Variants in VWA3B observed in about 807,000 individuals in gnomAD.
VWA3B encodes von Willebrand factor A domain containing 3B.
Under a neutral mutation model 158.3 loss-of-function variants are expected in VWA3B, and 138 were observed. The observed-to-expected ratio is 0.87, with a 90% CI of 0.76 to 1.00. The LOEUF (loss-of-function observed/expected upper bound fraction) is 1.00, where lower values mean the gene tolerates loss of function less well. Among genes scored for constraint, VWA3B ranks in the 50% least tolerant of loss-of-function variants. The pLI, the probability that VWA3B is intolerant of heterozygous loss-of-function variation, is 0.00. For synonymous variants in VWA3B, 596 were observed against 587.3 expected (o/e 1.01, Z -0.21); for missense variants, 1,555 against 1,565.1 (o/e 0.99, Z 0.11).
rs902967139 is a variant in VWA3B at position 98,261,215 on chromosome 2, G to A, written c.2843+5041G>A. Among the ~76,000 whole-genome samples, 28 of 151,586 alleles carry A rather than the reference G, an allele frequency of 1.8e-4. 1 individual carries two copies. Among genetic ancestry groups the A allele is most frequent in the African/African-American group, 6.8e-4 (28 of 41,312 alleles). On this transcript the variant is annotated intron_variant, in intron 21 of 27. Transcript: ENST00000477737. ...GTTATTTTCTTAGTGGTTACCATGG[G>A]AATTATAGTTAACCTCCTAAATTTA...
intron 19 of VWA3B, among the ~76,000 whole-genome samples, chr2:98,237,475 C>T (rs1374546068): frequency 6.6e-6 from 1 of 152,194 alleles, no homozygotes; most frequent in Non-Finnish European, 1.5e-5. Flanking sequence ...AAAAGAACCA[C>T]CAGATTGTCC....
At chr2:98,119,065 G>C (rs1573813426) in intron 3 of VWA3B, among the ~76,000 whole-genome samples, 1 of 152,196 alleles carries the variant, frequency 6.6e-6, no homozygotes, top group Non-Finnish European at 1.5e-5. Flanking sequence ...AGCTGGGATG[G>C]CATCCTTTAG....
intron 2 of VWA3B, among the ~76,000 whole-genome samples, chr2:98,113,467 C>T (rs1674303186): frequency 1.3e-5 from 2 of 152,102 alleles, no homozygotes; most frequent in Non-Finnish European, 2.9e-5. Context: ...TAGACCCATG[C>T]AGTTCGAAAT....
chr2:98,325,620 A>C, the VWA3B span, among the ~76,000 whole-genome samples: 4 of 152,240 alleles, frequency 2.6e-5, no homozygotes, highest in Admixed American at 2.6e-4. Flanking sequence ...ACAATTACCC[A>C]GGTGAATATT....
chr2:98,216,664 G>T (rs948168625), intron 13 of VWA3B: 2 of 468,688 alleles, frequency 4.3e-6, no homozygotes, highest in African/African-American at 4.0e-5. Flanking sequence ...GGGGAAAGTG[G>T]CTCAGGTGTG....
intron 25 of VWA3B, among the ~76,000 whole-genome samples, chr2:98,302,193 C>CT (rs66464436): frequency 0.32 from 48,888 of 151,742 alleles, 8,457 homozygotes; most frequent in Non-Finnish European, 0.39. Context: ...TCTTCCTGGA[C>CT]TGCCCTCCCC....
At chr2:98,102,618 C>G (rs904329581) in intron 2 of VWA3B, among the ~76,000 whole-genome samples, 4 of 152,190 alleles carry the variant, frequency 2.6e-5, no homozygotes, top group African/African-American at 7.2e-5. Context: ...AGCGAAAATA[C>G]CAATTTCTTA....
intron 8 of VWA3B, among the ~76,000 whole-genome samples, chr2:98,170,777 T>G (rs1334160370): frequency 6.6e-6 from 1 of 152,034 alleles, no homozygotes; most frequent in Non-Finnish European, 1.5e-5. Context: ...CAACTAATTT[T>G]TGTATTTTCA....
chr2:98,269,467 T>C (rs545930360), intron 21 of VWA3B: 1 of 152,352 alleles, frequency 6.6e-6, no homozygotes, highest in South Asian at 2.1e-4. Context: ...AATATGCCAC[T>C]GTTCTCATCA....
intron 19 of VWA3B, among the ~76,000 whole-genome samples, chr2:98,240,744 T>C (rs574586153): frequency 1.3e-5 from 2 of 152,272 alleles, no homozygotes; most frequent in East Asian, 3.9e-4. Flanking sequence ...AAACTTAATA[T>C]TCAGTCCAAC....
intron 20 of VWA3B, 118 bp downstream of exon 20, chr2:98,250,554 T>C (rs1202858245): frequency 7.0e-6 from 6 of 856,554 alleles, no homozygotes; most frequent in Non-Finnish European, 1.1e-5. Flanking sequence ...ATTTAAAAAT[T>C]GTTCAGGCTG....
chr2:98,297,270 C>T (rs1689864865), intron 23 of VWA3B, among the ~76,000 whole-genome samples: 2 of 151,914 alleles, frequency 1.3e-5, no homozygotes, highest in East Asian at 1.9e-4. Context: ...TCAGTAGAGA[C>T]GGGGTTTCAC....
intron 24 of VWA3B, among the ~76,000 whole-genome samples, chr2:98,298,374 ATTCT>A (rs1689950097): frequency 5.0e-5 from 1 of 20,126 alleles, no homozygotes; most frequent in Non-Finnish European, 1.1e-4. Flanking sequence ...ACTACAAAAG[ATTCT>A]ATTCTATTCT....
At chr2:98,115,101 C>CTTTTTTTT (rs369549458) in intron 2 of VWA3B, among the ~76,000 whole-genome samples, 4 of 131,644 alleles carry the variant, frequency 3.0e-5, no homozygotes, top group Non-Finnish European at 5.0e-5. Flanking sequence ...TCCTATGTTG[C>CTTTTTTTT]TTTTTTTTTT....
intron 20 of VWA3B, among the ~76,000 whole-genome samples, chr2:98,254,802 A>G (rs62156732): frequency 0.039 from 5,912 of 152,202 alleles, 171 homozygotes; most frequent in Middle Eastern, 0.075. Context: ...GTGGCTCCGG[A>G]GTCTACCCTC....
chr2:98,169,080 T>TTA (rs1218802046), intron 8 of VWA3B, among the ~76,000 whole-genome samples: 1 of 152,136 alleles, frequency 6.6e-6, no homozygotes, highest in Non-Finnish European at 1.5e-5. Context: ...AGAGGAAATC[T>TTA]TAAAAGCAGC....
At chr2:98,154,114 G>A (rs1203488437) in intron 7 of VWA3B, among the ~76,000 whole-genome samples, 1 of 152,072 alleles carries the variant, frequency 6.6e-6, no homozygotes, top group Admixed American at 6.6e-5. Context: ...CACCAGCCTC[G>A]GCCTCCCAAA....
chr2:98,145,920 T>TG (rs1050229789), intron 7 of VWA3B, among the ~76,000 whole-genome samples: 4 of 152,016 alleles, frequency 2.6e-5, no homozygotes, highest in Non-Finnish European at 4.4e-5. Flanking sequence ...GGTTGGGTTT[T>TG]GGGGGGATCT....
At position 98,211,988 on chromosome 2, in the gene VWA3B, C is replaced by A. The variant is rs768791958; in HGVS notation, c.1796C>A (p.Thr599Lys). 1.2e-5 allele frequency: 19 copies of A among 1,613,988 alleles called. No individual in the cohort carries two copies. In the African/African-American group the frequency reaches 2.4e-4, roughly 20 times the overall value. ...AAAACTGCTTTTGCTGATAAAGAAA[C>A]ACAGGCAATCTACCTTCTGACCGAT... is the stretch of plus-strand genomic sequence containing the variant. Reference protein sequence around the residue: ...ALKTAFADKETQAIYLLTDGR... With the variant: ...ALKTAFADKEKQAIYLLTDGR... The change falls in exon 13 of 28, where the codon ACA becomes AAA. Residue 599 changes from threonine to lysine, a missense_variant. Thr to Lys is a moderately conservative substitution (Grantham distance 78). Coordinates refer to ENST00000477737, the MANE Select transcript of VWA3B (RefSeq NM_144992.5).
Sources: allele counts gnomAD v4.1 joint callset (sites outside exome capture counted in the v4.1 genomes callset), GRCh38; gene constraint gnomAD v4.1.1; transcripts MANE v1.5; gene names NCBI Gene and HGNC (gene_info 2026-07-23, HGNC 2026-07-21).